Variants in DMD observed in about 807,000 individuals in gnomAD.
DMD encodes mutant dystrophin.
DMD carries 63 observed loss-of-function variants against 330.1 expected under a neutral mutation model. The observed-to-expected ratio is 0.19, with a 90% CI of 0.16 to 0.24. The LOEUF (loss-of-function observed/expected upper bound fraction) is 0.24. Among genes scored for constraint, DMD ranks in the 10% least tolerant of loss-of-function variants. The pLI is 1.00. For missense variants in DMD, 3,344 were observed against 2,684.1 expected (o/e 1.25, Z -5.43); for synonymous variants, 1,223 against 959.8 (o/e 1.27, Z -5.07).
At chrX:32,625,206 A>G (rs949768549) in intron 11 of DMD, among the ~76,000 whole-genome samples, 2 of 112,097 alleles carry the variant, frequency 1.8e-5, no homozygotes, top group Non-Finnish European at 3.8e-5. Context: ...GAAGGCAATT[A>G]TTCTTTAACC....
chrX:31,323,507 C>T lies in DMD; in HGVS notation c.9224+91G>A. 21 of 762,666 alleles carry T rather than the reference C, an allele frequency of 2.8e-5. No homozygotes were observed. The South Asian group carries it at 4.7e-4, about 17-fold the overall frequency. The allele number at this position is 762,666 out of a possible 1,213,427, so 62.9% of individuals were successfully genotyped here. A position where few individuals can be genotyped will look rare whatever the true frequency, so the allele number is the denominator to read the frequency against. ...AAAGACACAGGTATTGTAGGCCAGG[C>T]TAATGTCGCATTTTAAAAATAAACT... On this transcript the variant is annotated intron_variant, in intron 62 of 78. Transcript: ENST00000357033.
rs144685310 is a variant in DMD at position 31,403,844 on chromosome X, C to T, written c.9084+40637G>A. Among the ~76,000 whole-genome samples the T allele has an allele frequency of 1.3e-3, 140 of 111,508 alleles. 1 individual carries two copies. The highest frequency in any genetic ancestry group is 4.3e-3 in the African/African-American group (132 of 30,790). On this transcript the variant is annotated intron_variant, in intron 60 of 78. Coordinates refer to ENST00000357033, the MANE Select transcript of DMD (RefSeq NM_004006.3). Reference sequence around the variant, plus strand: ...TATGAAAATGAAAATATATATAAGGCTATTTTGCATAGAAATGATTAGACA... The same window carrying T: ...TATGAAAATGAAAATATATATAAGGTTATTTTGCATAGAAATGATTAGACA...
intron 59 of DMD, among the ~76,000 whole-genome samples, chrX:31,458,517 A>C (rs1490147691): frequency 2.7e-5 from 2 of 74,986 alleles, no homozygotes; most frequent in African/African-American, 1.3e-4. Context: ...TGATTTCCAA[A>C]AAAAAAAAAA....
chrX:31,936,491 T>C (rs899311788), intron 45 of DMD, among the ~76,000 whole-genome samples: 1 of 112,008 alleles, frequency 8.9e-6, no homozygotes, highest in Non-Finnish European at 1.9e-5. Flanking sequence ...TGTGTGTACA[T>C]GTTTGTCATT....
At chrX:31,584,490 C>G (rs984681543) in intron 55 of DMD, among the ~76,000 whole-genome samples, 2 of 111,835 alleles carry the variant, frequency 1.8e-5, no homozygotes, top group African/African-American at 3.3e-5. Flanking sequence ...ATAAACCATT[C>G]TATTTTAAAG....
At chrX:33,118,092 G>C (rs1472358935) in intron 1 of DMD, among the ~76,000 whole-genome samples, 1 of 102,548 alleles carries the variant, frequency 9.8e-6, no homozygotes, top group Admixed American at 1.1e-4. Context: ...GATGTGTTCA[G>C]GCTGAACAAG....
At chrX:31,395,871 T>C (rs945247723) in intron 60 of DMD, among the ~76,000 whole-genome samples, 4 of 112,160 alleles carry the variant, frequency 3.6e-5, no homozygotes, top group Non-Finnish European at 5.6e-5. Context: ...AAAATGGGAA[T>C]ATGAAAAACA....
At chrX:32,453,901 T>A (rs992891974) in intron 26 of DMD, among the ~76,000 whole-genome samples, 66 of 111,365 alleles carry the variant, frequency 5.9e-4, no homozygotes, top group Non-Finnish European at 9.7e-4. Context: ...AAAATAATAA[T>A]TATGATTATA....
At chrX:32,971,641 T>C (rs1468050616) in intron 2 of DMD, among the ~76,000 whole-genome samples, 2 of 111,451 alleles carry the variant, frequency 1.8e-5, no homozygotes, top group Non-Finnish European at 3.8e-5. Context: ...ATTTGTATTA[T>C]TCCATTCTCA....
At chrX:31,680,288 T>C (rs1472376182) in intron 52 of DMD, among the ~76,000 whole-genome samples, 3 of 111,668 alleles carry the variant, frequency 2.7e-5, no homozygotes, top group Non-Finnish European at 3.8e-5. Flanking sequence ...ACCCCCCAAA[T>C]AAATCACTTG....
intron 60 of DMD, among the ~76,000 whole-genome samples, chrX:31,368,484 C>T (rs912376223): frequency 1.8e-5 from 2 of 111,776 alleles, no homozygotes; most frequent in Non-Finnish European, 3.8e-5. Flanking sequence ...CAGGTATACA[C>T]ATGCTCTGGC....
intron 59 of DMD, among the ~76,000 whole-genome samples, chrX:31,458,514 C>CA (rs199537077): frequency 0.019 from 989 of 52,997 alleles, 8 homozygotes; most frequent in East Asian, 0.038. Flanking sequence ...ATGTGATTTC[C>CA]AAAAAAAAAA....
At chrX:31,935,843 TAATAACCCTC>T (rs1446635685) in intron 45 of DMD, among the ~76,000 whole-genome samples, 1 of 110,932 alleles carries the variant, frequency 9.0e-6, no homozygotes, top group African/African-American at 3.3e-5. Context: ...AAAAAAATAA[TAATAACCCTC>T]AAGTTTAGAA....
rs767196157 is a variant in DMD, at chrX:32,502,762, G to A, written c.2293-920C>T. ...TATTCTACATGAGACTATTTTTTAAGACTTCATTTACATCCACAGGCATTT... is the reference window on the plus strand; with the variant it reads ...TATTCTACATGAGACTATTTTTTAAAACTTCATTTACATCCACAGGCATTT... On this transcript the variant is annotated intron_variant, in intron 18 of 78. Coordinates refer to ENST00000357033, the MANE Select transcript of DMD (RefSeq NM_004006.3). Among the ~76,000 whole-genome samples the A allele has an allele frequency of 2.0e-3, 219 of 111,557 alleles. 1 individual carries two copies. The highest frequency in any genetic ancestry group is 6.9e-3 in the African/African-American group (211 of 30,717).
chrX:32,730,995 G>A (rs1483885187), intron 7 of DMD, among the ~76,000 whole-genome samples: 1 of 111,743 alleles, frequency 8.9e-6, no homozygotes, highest in African/African-American at 3.3e-5. Context: ...TTCCATCTGA[G>A]GTACCAGGTT....
rs2091913319 is a variant in DMD at position 31,798,192 on chromosome X, T to C, written c.7309+21783A>G. Among the ~76,000 whole-genome samples the C allele has an allele frequency of 3.6e-5, 4 of 112,086 alleles. No individual in the cohort carries two copies. The South Asian group carries it at 1.1e-3, about 31-fold the overall frequency. ...CAAAATCAAGGGAAAACTAATACTT[T>C]TGAAGCTCATACAGTTTTTGTTCTA... On this transcript the variant is annotated intron_variant, in intron 50 of 78. Coordinates refer to ENST00000357033, the MANE Select transcript of DMD (RefSeq NM_004006.3).
chrX:32,774,928 G>A (rs780156134), intron 7 of DMD, among the ~76,000 whole-genome samples: 1 of 112,079 alleles, frequency 8.9e-6, no homozygotes, highest in Non-Finnish European at 1.9e-5. Context: ...AGTTCTCTCT[G>A]CCTACAAGCC....
intron 18 of DMD, among the ~76,000 whole-genome samples, chrX:32,511,522 G>A (rs1254623049): frequency 1.8e-5 from 1 of 54,913 alleles, no homozygotes; most frequent in East Asian, 6.1e-4. Flanking sequence ...GCTCCGTCTC[G>A]GGAAAAAAAA....
At chrX:32,814,486 GA>G (rs1207981179) in intron 6 of DMD, among the ~76,000 whole-genome samples, 3 of 111,565 alleles carry the variant, frequency 2.7e-5, no homozygotes, top group Non-Finnish European at 1.9e-5. Context: ...CTATGGAACA[GA>G]GAGTTCAACC....
Sources: allele counts gnomAD v4.1 joint callset (sites outside exome capture counted in the v4.1 genomes callset), GRCh38; gene constraint gnomAD v4.1.1; transcripts MANE v1.5; gene names NCBI Gene and HGNC (gene_info 2026-07-23, HGNC 2026-07-21).